CNGB1: variants seen among roughly 807,000 people sequenced by gnomAD.
CNGB1 encodes the protein cyclic nucleotide gated channel subunit beta 1, also known as cyclic nucleotide-gated channel beta-1.
In CNGB1, 126 loss-of-function variants were observed where a neutral mutation model predicts 151.7. The observed-to-expected ratio is 0.83, with a 90% CI of 0.72 to 0.96. The LOEUF (loss-of-function observed/expected upper bound fraction) is 0.96. Among genes scored for constraint, CNGB1 ranks in the 40% least tolerant of loss-of-function variants. CNGB1 has a pLI of 0.00. For missense variants in CNGB1, 1,698 were observed against 1,627.0 expected, an observed-to-expected ratio of 1.04 and a Z score of -0.75; for synonymous variants, 623 against 635.1, an observed-to-expected ratio of 0.98 and a Z score of 0.29.
rs1446877008 is a variant in CNGB1, at chr16:57,883,935, GACTCGA to G, written c.*223_*228del. On this transcript the variant is annotated 3_prime_UTR_variant, in exon 33 of 33. Coordinates refer to ENST00000251102, the MANE Select transcript of CNGB1 (RefSeq NM_001297.5). ...TCTCAAATGATAGTGAGAGCTCAGG[GACTCGA>G]ACACTTGATGCAACTTGTCGAGCTC... 1.6e-6 allele frequency: 1 copy of G among 607,270 alleles called. No individual in the cohort carries two copies. The highest frequency in any genetic ancestry group is 1.9e-5 in the African/African-American group (1 of 53,946). 37.6% of individuals were successfully genotyped at this position (607,270 alleles called of 1,614,324 possible). A position where few individuals can be genotyped will look rare whatever the true frequency, so the allele number is the denominator to read the frequency against.
At chr16:57,960,417 G>A in intron 9 of CNGB1, 65 bp downstream of exon 9, 1 of 1,578,716 alleles carries the variant, frequency 6.3e-7, no homozygotes, top group Admixed American at 1.7e-5. Flanking sequence ...CCAGGGCCCA[G>A]TTGATCCCTG....
intron 29 of CNGB1, 108 bp downstream of exon 29, chr16:57,901,244 A>G (rs1960376414): frequency 4.6e-6 from 5 of 1,095,692 alleles, no homozygotes; most frequent in Non-Finnish European, 7.0e-6. Context: ...CTCCCTCCCC[A>G]ACAATCTCGC....
chr16:57,897,713 C>T (rs562124500), intron 30 of CNGB1, 83 bp downstream of exon 30: 15 of 1,533,386 alleles, frequency 9.8e-6, no homozygotes, highest in Admixed American at 3.3e-5. Flanking sequence ...TCTACCAAGC[C>T]GTAGACACTC....
chr16:57,950,224 A>G (rs1005303701), intron 13 of CNGB1, among the ~76,000 whole-genome samples, 157 bp downstream of exon 13: 2 of 152,244 alleles, frequency 1.3e-5, no homozygotes, highest in Non-Finnish European at 2.9e-5. Flanking sequence ...AGAACCTGGT[A>G]GCCATTCTAC....
intron 31 of CNGB1, 41 bp downstream of exon 31, chr16:57,897,356 T>C: frequency 1.2e-6 from 2 of 1,609,706 alleles, no homozygotes; most frequent in South Asian, 1.1e-5. Context: ...AAATTCATTG[T>C]CCTTAGCAAT....
chr16:57,887,199 T>C (rs1212113776), intron 32 of CNGB1, among the ~76,000 whole-genome samples: 1 of 152,170 alleles, frequency 6.6e-6, no homozygotes, highest in African/African-American at 2.4e-5. Context: ...ATATCTTAAA[T>C]TGTCACAGAC....
At position 57,903,909 on chromosome 16, in the gene CNGB1, A is replaced by G. The variant is rs924004848; in HGVS notation, c.2707T>C (p.Tyr903His). The G allele has an allele frequency of 1.9e-6, 3 of 1,614,094 alleles. No homozygotes were observed. The highest frequency in any genetic ancestry group is 1.7e-4 in the Middle Eastern group (1 of 6,044). The part of the protein sequence containing the change: ...YRSCMDSTVK[Y>H]MNFYKIPKSV... ...TTGGGGATCTTGTAGAAATTCATGT[A>G]CTTCACCGTGCTGTCCATGCAGCTG... is the stretch of plus-strand genomic sequence containing the variant. Residue 903 changes from tyrosine to histidine, a missense_variant, in exon 27 of 33, where the codon TAC (tyrosine) becomes CAC (histidine). Tyr to His is a moderately conservative substitution (Grantham distance 83). Coordinates refer to ENST00000251102, the MANE Select transcript of CNGB1 (RefSeq NM_001297.5).
Position 57,911,891 on chromosome 16 carries a change from A to T in CNGB1, c.2370-16T>A, listed in dbSNP as rs1388524901. 1.8e-5 allele frequency: 29 copies of T among 1,612,832 alleles called. No individual in the cohort carries two copies. Among genetic ancestry groups the T allele is most frequent in the Non-Finnish European group, 2.5e-5 (29 of 1,179,308 alleles). On this transcript the variant is annotated splice_polypyrimidine_tract_variant and intron_variant, in intron 24 of 32. Transcript: ENST00000251102. ...CCTGATGACCCTGCAGAAGGAACACAGCGCATGAACACAGCGGCGGAAGGG... is the reference window on the plus strand; with the variant it reads ...CCTGATGACCCTGCAGAAGGAACACTGCGCATGAACACAGCGGCGGAAGGG...
chr16:57,914,282 C>T (rs1331063292), intron 23 of CNGB1, among the ~76,000 whole-genome samples: 5 of 152,166 alleles, frequency 3.3e-5, no homozygotes, highest in Non-Finnish European at 7.4e-5. Flanking sequence ...ATGTTTGGCT[C>T]TAAAGCAACC....
At chr16:57,902,610 T>C (rs1382884345) in intron 27 of CNGB1, among the ~76,000 whole-genome samples, 4 of 144,500 alleles carry the variant, frequency 2.8e-5, no homozygotes, top group Middle Eastern at 4.6e-3. Context: ...CAGGTACTTA[T>C]TTTTACTTTT....
At chr16:57,904,935 C>A in intron 25 of CNGB1, 60 bp from the exon 26 acceptor site, 33 of 1,605,728 alleles carry the variant, frequency 2.1e-5, no homozygotes, top group Non-Finnish European at 2.7e-5. Context: ...CCGCCCCGAG[C>A]AGTCTGGCTC....
intron 25 of CNGB1, among the ~76,000 whole-genome samples, chr16:57,905,652 G>T (rs762011868): frequency 6.6e-6 from 1 of 152,266 alleles, no homozygotes; most frequent in Non-Finnish European, 1.5e-5. Context: ...TTCGGGCGCC[G>T]TTTAGGCTGC....
Position 57,920,510 on chromosome 16 carries a change from T to G in CNGB1, c.1678A>C (p.Asn560His), listed in dbSNP as rs1567378197. The G allele has an allele frequency of 6.2e-7, 1 of 1,613,942 alleles. No homozygotes were observed. The highest frequency in any genetic ancestry group is 8.5e-7 in the Non-Finnish European group (1 of 1,180,020). Reference protein sequence around the residue: ...QDRAASTASTNSAIINDRLQE... With the variant: ...QDRAASTASTHSAIINDRLQE... The stretch of plus-strand genomic sequence containing the variant: ...AGCCGGTCGTTGATGATGGCGCTAT[T>G]TGTGCTGGCCGTGGAGGCCGCACGG... The change falls in exon 19 of 33, where the codon AAT becomes CAT. Residue 560 changes from asparagine to histidine, a missense_variant. Transcript: ENST00000251102.
At chr16:57,967,329 C>T in intron 1 of CNGB1, 35 bp from the exon 2 acceptor site, 2 of 1,610,002 alleles carry the variant, frequency 1.2e-6, no homozygotes, top group Admixed American at 1.7e-5. Context: ...CTCCCTGGAG[C>T]ACTCACAGTA....
Position 57,931,720 on chromosome 16 carries a change from G to A in CNGB1, c.1531C>T (p.His511Tyr), listed in dbSNP as rs1217320909. 6.2e-6 allele frequency: 10 copies of A among 1,614,112 alleles called. No individual in the cohort carries two copies. The highest frequency in any genetic ancestry group is 8.5e-6 in the Non-Finnish European group (10 of 1,180,020). Residue 511 changes from histidine (H) to tyrosine (Y), a missense_variant, in exon 17 of 33, where the codon CAC becomes TAC. His to Tyr is a moderately conservative substitution (Grantham distance 83, BLOSUM62 2). Coordinates refer to ENST00000251102, the MANE Select transcript of CNGB1 (RefSeq NM_001297.5). ...AAGAGAAGCATAAAAGGTAACCTGT[G>A]TGTCCCCGAGGCTGAGCTTGGGACT... ...LIVPSSASGTHRKKLPSEDDE... is the reference protein window; with the variant it reads ...LIVPSSASGTYRKKLPSEDDE...
chr16:57,923,285 G>A lies in CNGB1; in HGVS notation c.1631C>T (p.Pro544Leu), dbSNP rs145234666. Residue 544 changes from proline (P) to leucine (L), a missense_variant, in exon 18 of 33, where the codon CCG (proline) becomes CTG (leucine). Pro to Leu is a moderately conservative substitution (Grantham distance 98). Transcript: ENST00000251102. ...PVVAWSDPTT[P>L]KDTDGQDRAA... ...AGAGGGGTCTCACTCAGTGTCCTTC[G>A]GGGTGGTGGGGTCAGACCAGGCAAC... The A allele has an allele frequency of 3.8e-4, 608 of 1,611,872 alleles. No individual in the cohort carries two copies. The highest frequency in any genetic ancestry group is 1.4e-3 in the East Asian group (64 of 44,696).
rs1394220460 is a variant in CNGB1, at chr16:57,949,445, T to G, written c.1035-6A>C. 5.6e-6 allele frequency: 9 copies of G among 1,613,602 alleles called. No individual in the cohort carries two copies. Among genetic ancestry groups the G allele is most frequent in the Non-Finnish European group, 7.6e-6 (9 of 1,179,992 alleles). On this transcript the variant is annotated splice_region_variant and splice_polypyrimidine_tract_variant and intron_variant, in intron 13 of 32. Transcript: ENST00000251102. ...CTTCAATCCGGGACAGCTCTCTGAGTTGGGGTTAGAGGCAGGAGGTGAGCC... is the reference window on the plus strand; with the variant it reads ...CTTCAATCCGGGACAGCTCTCTGAGGTGGGGTTAGAGGCAGGAGGTGAGCC...
intron 2 of CNGB1, among the ~76,000 whole-genome samples, chr16:57,966,292 TGTC>T (rs1384505333): frequency 6.6e-6 from 1 of 152,248 alleles, no homozygotes; most frequent in Admixed American, 6.5e-5. Flanking sequence ...GCTGGGCTCT[TGTC>T]TGCTGAGTCC....
chr16:57,904,740 G>T lies in CNGB1; in HGVS notation c.2628C>A (p.Ile876=). ...FTGVFAFSVM[I]GQMRDVVGAA... is the part of the protein sequence containing the mutation. ...TGGGCTGGTGCCCCGATACCTGTCC[G>T]ATCATCACAGAGAAAGCAAAGACGC... Residue 876 remains isoleucine (I), a synonymous_variant, in exon 26 of 33, where the codon ATC becomes ATA. Transcript: ENST00000251102. 7 of 1,614,104 alleles carry T rather than the reference G, an allele frequency of 4.3e-6. No individual in the cohort carries two copies. Among genetic ancestry groups the T allele is most frequent in the Non-Finnish European group, 5.1e-6 (6 of 1,180,024 alleles).
Sources: gnomAD v4.1 joint callset for allele counts (sites outside exome capture counted in the v4.1 genomes callset) on GRCh38, gnomAD v4.1.1 for gene constraint, MANE v1.5 for transcripts, NCBI Gene and HGNC (gene_info 2026-07-23, HGNC 2026-07-21) for gene names.